Variants in DENND4C observed in about 807,000 individuals in gnomAD.
DENND4C encodes the protein DENN domain containing 4C.
Under a neutral mutation model 203.0 loss-of-function variants are expected in DENND4C, and 108 were observed. That is an observed-to-expected ratio of 0.53 (90% CI 0.46 to 0.62). The LOEUF (loss-of-function observed/expected upper bound fraction) is 0.62. Among genes scored for constraint, DENND4C ranks in the 20% least tolerant of loss-of-function variants. The probability of loss-of-function intolerance (pLI) is 0.00; values close to 1 mark genes in which losing one functional copy is unlikely to be tolerated. For missense variants in DENND4C, 2,481 were observed against 2,301.2 expected, an observed-to-expected ratio of 1.08 and a Z score of -1.60; for synonymous variants, 871 against 792.4, an observed-to-expected ratio of 1.10 and a Z score of -1.67.
intron 23 of DENND4C, among the ~76,000 whole-genome samples, chr9:19,348,571 G>T: frequency 6.6e-6 from 1 of 152,032 alleles, no homozygotes; most frequent in East Asian, 1.9e-4. Flanking sequence ...ATCGTAAAAG[G>T]TCTAAATTGG....
At chr9:19,247,592 G>C (rs964404970) in intron 1 of DENND4C, among the ~76,000 whole-genome samples, 9 of 152,054 alleles carry the variant, frequency 5.9e-5, no homozygotes, top group African/African-American at 1.9e-4. Flanking sequence ...ACTGGGTCTT[G>C]CTGTGTTGCC....
At chr9:19,253,405 A>G (rs1283013474) in intron 1 of DENND4C, among the ~76,000 whole-genome samples, 1 of 152,190 alleles carries the variant, frequency 6.6e-6, no homozygotes, top group Non-Finnish European at 1.5e-5. Context: ...GGCAGGTACA[A>G]TGGTAGAGAA....
At chr9:19,248,582 G>T (rs1485142909) in intron 1 of DENND4C, among the ~76,000 whole-genome samples, 1 of 151,890 alleles carries the variant, frequency 6.6e-6, no homozygotes, top group Non-Finnish European at 1.5e-5. Flanking sequence ...TAAAGATGGG[G>T]TTTCTCCATA....
chr9:19,327,342 T>C (rs1818039846), intron 15 of DENND4C, among the ~76,000 whole-genome samples: 1 of 152,062 alleles, frequency 6.6e-6, no homozygotes, highest in African/African-American at 2.4e-5. Context: ...AAATGATGAA[T>C]AGAAACCTTT....
chr9:19,237,464 G>C (rs916945788), intron 1 of DENND4C, among the ~76,000 whole-genome samples: 2 of 152,064 alleles, frequency 1.3e-5, no homozygotes, highest in Non-Finnish European at 2.9e-5. Flanking sequence ...CGATTCTTCT[G>C]CCTCAGTCTC....
At chr9:19,278,540 A>G (rs1410697898) in intron 2 of DENND4C, among the ~76,000 whole-genome samples, 1 of 152,184 alleles carries the variant, frequency 6.6e-6, no homozygotes, top group Non-Finnish European at 1.5e-5. Flanking sequence ...AAATTGTTAT[A>G]AAGATCCTCA....
At chr9:19,320,875 A>T (rs1180035941) in intron 12 of DENND4C, among the ~76,000 whole-genome samples, 1 of 152,242 alleles carries the variant, frequency 6.6e-6, no homozygotes, top group East Asian at 1.9e-4. Context: ...GCCTTTCATT[A>T]TAACTTGTGG....
At chr9:19,366,368 G>A (rs1827674757) in intron 30 of DENND4C, among the ~76,000 whole-genome samples, 2 of 152,272 alleles carry the variant, frequency 1.3e-5, no homozygotes, top group African/African-American at 2.4e-5. Context: ...TTGGGAGGCC[G>A]AGGCGGGCGG....
At chr9:19,362,833 G>A (rs1826789630) in intron 30 of DENND4C, among the ~76,000 whole-genome samples, 1 of 152,162 alleles carries the variant, frequency 6.6e-6, no homozygotes. Context: ...TGTTTAAAGA[G>A]TTATTATTCA....
intron 16 of DENND4C, among the ~76,000 whole-genome samples, chr9:19,329,567 G>A (rs1818617476): frequency 6.6e-6 from 1 of 152,112 alleles, no homozygotes; most frequent in Non-Finnish European, 1.5e-5. Context: ...ATATATCTAG[G>A]AGTAAATTGC....
At chr9:19,349,723 AATGTTT>A (rs1344853666) in intron 23 of DENND4C, among the ~76,000 whole-genome samples, 1 of 152,212 alleles carries the variant, frequency 6.6e-6, no homozygotes, top group Non-Finnish European at 1.5e-5. Flanking sequence ...AAGCATTTTG[AATGTTT>A]AAGCAACAGG....
chr9:19,288,650 A>G lies in DENND4C; in HGVS notation c.613A>G (p.Ile205Val), dbSNP rs759825349. ...YKKSVPASNA[I>V]AYKAGLIFRY... ...GAAGTCTGTACCTGCTTCAAATGCA[A>G]TAGCATATAAGGCTGGTAAGTGAGT... The change falls in exon 4 of 33, where the codon ATA becomes GTA. Residue 205 changes from isoleucine (I) to valine (V), a missense_variant. Ile to Val is a conservative substitution (Grantham distance 29). Coordinates refer to ENST00000434457, the MANE Select transcript of DENND4C (RefSeq NM_001330640.2). 4 of 1,231,784 alleles carry G rather than the reference A, an allele frequency of 3.2e-6. No homozygotes were observed. Among genetic ancestry groups the G allele is most frequent in the South Asian group, 4.1e-5 (1 of 24,316 alleles). 76.3% of individuals were successfully genotyped at this position (1,231,784 alleles called of 1,614,324 possible). A position where few individuals can be genotyped will look rare whatever the true frequency, so the allele number is the denominator to read the frequency against.
At chr9:19,280,144 T>TCCTCCCTG in intron 2 of DENND4C, among the ~76,000 whole-genome samples, 1 of 150,552 alleles carries the variant, frequency 6.6e-6, no homozygotes, top group African/African-American at 2.4e-5. Flanking sequence ...CTGCCTGCCT[T>TCCTCCCTG]CCTCCCTTCC....
chr9:19,249,102 A>C (rs1169426863), intron 1 of DENND4C, among the ~76,000 whole-genome samples: 1 of 150,058 alleles, frequency 6.7e-6, no homozygotes, highest in Non-Finnish European at 1.5e-5. Flanking sequence ...CACAGCATCT[A>C]TGTTTTTGAA....
At chr9:19,323,379 A>G (rs1843210437) in intron 12 of DENND4C, among the ~76,000 whole-genome samples, 1 of 151,858 alleles carries the variant, frequency 6.6e-6, no homozygotes, top group Non-Finnish European at 1.5e-5. Flanking sequence ...GCAGTGAGCC[A>G]AGATCACATT....
chr9:19,233,592 G>C (rs1240600594), intron 1 of DENND4C, among the ~76,000 whole-genome samples: 2 of 125,400 alleles, frequency 1.6e-5, no homozygotes, highest in Non-Finnish European at 3.2e-5. Flanking sequence ...ATGTAGTCTC[G>C]CTTCGTCACC....
chr9:19,342,164 C>A (rs985945933), intron 21 of DENND4C, among the ~76,000 whole-genome samples: 2 of 150,768 alleles, frequency 1.3e-5, no homozygotes, highest in Admixed American at 1.3e-4. Context: ...GTGGTTTTTC[C>A]CGGTTTTTAT....
intron 30 of DENND4C, among the ~76,000 whole-genome samples, chr9:19,363,241 G>A (rs1275508312): frequency 2.2e-4 from 34 of 152,118 alleles, no homozygotes; most frequent in African/African-American, 5.8e-4. Context: ...TTGGCCAGGC[G>A]CAGTGGCTCA....
rs62562705 is a variant in DENND4C at position 19,300,183 on chromosome 9, C to A, written c.1167-4C>A. 13 of 1,583,472 alleles carry A rather than the reference C, an allele frequency of 8.2e-6. No homozygotes were observed. Among genetic ancestry groups the A allele is most frequent in the African/African-American group, 1.4e-5 (1 of 73,846 alleles). ...TGATCTACTTTTCTCTTTTTTTTCC[C>A]TAGTGGAGCCAACTTTAGCACCTTG... On this transcript the variant is annotated splice_region_variant and splice_polypyrimidine_tract_variant and intron_variant, in intron 8 of 32. Transcript: ENST00000434457.
Sources: allele counts gnomAD v4.1 joint callset (sites outside exome capture counted in the v4.1 genomes callset), GRCh38; gene constraint gnomAD v4.1.1; transcripts MANE v1.5; gene names NCBI Gene and HGNC (gene_info 2026-07-23, HGNC 2026-07-21).